Variants in KLRG1 observed in about 807,000 individuals in gnomAD.
KLRG1 encodes killer cell lectin-like receptor subfamily G member 1.
KLRG1 carries 16 observed loss-of-function variants against 21.8 expected under a neutral mutation model. That is an observed-to-expected ratio of 0.73 (90% CI 0.50 to 1.11). The LOEUF (loss-of-function observed/expected upper bound fraction) is 1.11. KLRG1 is among the 50% of genes most tolerant of loss of function. The pLI, the probability that KLRG1 is intolerant of heterozygous loss-of-function variation, is 0.00. For missense variants in KLRG1, 173 were observed against 218.3 expected (o/e 0.79, Z 1.31); for synonymous variants, 69 against 75.9 (o/e 0.91, Z 0.47).
At chr12:9,121,437 A>T in the KLRG1 span, among the ~76,000 whole-genome samples, 1 of 152,072 alleles carries the variant, frequency 6.6e-6, no homozygotes, top group South Asian at 2.1e-4. The surrounding 1 kb of genome is among the most constrained non-coding windows in gnomAD (Gnocchi z 4.4). Context: ...GCTGCACGGG[A>T]GACTGATGCA....
intron 1 of KLRG1, among the ~76,000 whole-genome samples, chr12:8,956,667 G>A (rs752724393): frequency 5.3e-5 from 8 of 152,088 alleles, no homozygotes; most frequent in Non-Finnish European, 7.4e-5. Context: ...GGCTGGTCTC[G>A]AACTCCTGAC....
At chr12:9,166,469 A>C in the KLRG1 span, among the ~76,000 whole-genome samples, 3 of 152,324 alleles carry the variant, frequency 2.0e-5, no homozygotes, top group African/African-American at 7.2e-5. Flanking sequence ...ACTTGGAGAC[A>C]GTTTTATGGG....
chr12:8,983,778 G>T (rs1324142875), intron 1 of KLRG1, among the ~76,000 whole-genome samples: 1 of 152,104 alleles, frequency 6.6e-6, no homozygotes, highest in African/African-American at 2.4e-5. Flanking sequence ...TATCATTCAT[G>T]TGTTGTTTCC....
the KLRG1 span, among the ~76,000 whole-genome samples, chr12:9,078,809 AT>A: frequency 6.6e-6 from 1 of 152,196 alleles, no homozygotes; most frequent in Non-Finnish European, 1.5e-5. Context: ...ATTTAAAAAA[AT>A]GTTTTATATT....
chr12:9,018,019 C>T, the KLRG1 span, among the ~76,000 whole-genome samples: 1 of 152,072 alleles, frequency 6.6e-6, no homozygotes, highest in East Asian at 1.9e-4. Context: ...TTTACAATAG[C>T]TACAAATAAA....
At chr12:8,993,845 T>C (rs1158819305) in intron 2 of KLRG1, among the ~76,000 whole-genome samples, 1 of 152,210 alleles carries the variant, frequency 6.6e-6, no homozygotes, top group Non-Finnish European at 1.5e-5. Context: ...TTCCCCACTT[T>C]GTAACTCCCA....
the KLRG1 span, chr12:9,157,913 A>G: frequency 6.5e-6 from 8 of 1,233,432 alleles, no homozygotes; most frequent in South Asian, 8.9e-5. Flanking sequence ...TGTTTGATGG[A>G]AACGCTCCTC....
the KLRG1 span, among the ~76,000 whole-genome samples, chr12:9,213,942 AG>A: frequency 1.3e-5 from 2 of 152,002 alleles, no homozygotes; most frequent in African/African-American, 4.8e-5. Context: ...GTCTCCTCCT[AG>A]GAGTTTTATT....
intron 1 of KLRG1, among the ~76,000 whole-genome samples, chr12:8,965,311 A>G (rs1946449987): frequency 6.6e-6 from 1 of 152,150 alleles, no homozygotes; most frequent in African/African-American, 2.4e-5. Flanking sequence ...ACTCCTATTC[A>G]ACATAGTGTT....
At chr12:9,139,023 G>A in the KLRG1 span, among the ~76,000 whole-genome samples, 1 of 151,742 alleles carries the variant, frequency 6.6e-6, no homozygotes, top group Non-Finnish European at 1.5e-5. Context: ...AATTTGGGTT[G>A]ATTATTTTAG....
the KLRG1 span, among the ~76,000 whole-genome samples, chr12:9,168,046 G>A: frequency 6.6e-6 from 1 of 152,082 alleles, no homozygotes; most frequent in African/African-American, 2.4e-5. Flanking sequence ...ATTTAAAGAT[G>A]GATATTAATC....
the KLRG1 span, among the ~76,000 whole-genome samples, chr12:9,026,663 A>G: frequency 2.0e-5 from 3 of 152,170 alleles, no homozygotes; most frequent in South Asian, 2.1e-4. Context: ...TATTCACTCT[A>G]TCAGGGTTTT....
At chr12:9,055,110 G>T in the KLRG1 span, among the ~76,000 whole-genome samples, 1 of 152,090 alleles carries the variant, frequency 6.6e-6, no homozygotes, top group Non-Finnish European at 1.5e-5. Context: ...CATACAAATG[G>T]TCAGTGGCAG....
the KLRG1 span, chr12:9,079,511 TTAAC>T: frequency 1.4e-5 from 15 of 1,076,462 alleles, no homozygotes; most frequent in African/African-American, 2.4e-4. Flanking sequence ...TTCCTTGAAA[TTAAC>T]TATCATAGCA....
At chr12:9,019,798 C>T in the KLRG1 span, among the ~76,000 whole-genome samples, 1 of 151,658 alleles carries the variant, frequency 6.6e-6, no homozygotes, top group African/African-American at 2.4e-5. Context: ...GTTGCCCAGG[C>T]TGGTCTGGAA....
At chr12:9,193,994 A>G in the KLRG1 span, 1 of 1,277,812 alleles carries the variant, frequency 7.8e-7, no homozygotes, top group Non-Finnish European at 1.1e-6. Context: ...CTTACTCTTA[A>G]ATGCAATCTG....
At chr12:8,969,204 C>T (rs1472335200) in intron 1 of KLRG1, among the ~76,000 whole-genome samples, 1 of 152,196 alleles carries the variant, frequency 6.6e-6, no homozygotes, top group Non-Finnish European at 1.5e-5. Flanking sequence ...GTCTGCTGTG[C>T]CTCCCTGCCC....
intron 1 of KLRG1, among the ~76,000 whole-genome samples, chr12:8,957,584 A>G (rs1252512749): frequency 1.3e-5 from 2 of 151,084 alleles, no homozygotes; most frequent in African/African-American, 4.9e-5. Context: ...TCACCTTTTT[A>G]TTTAAAGGAA....
the KLRG1 span, among the ~76,000 whole-genome samples, chr12:9,136,508 C>T: frequency 3.9e-5 from 6 of 151,946 alleles, no homozygotes; most frequent in Admixed American, 2.6e-4. Flanking sequence ...AGGCAATATT[C>T]CATTGTGCAT....
Sources: gnomAD v4.1 joint callset for allele counts (sites outside exome capture counted in the v4.1 genomes callset) on GRCh38, gnomAD v4.1.1 for gene constraint, Gnocchi (gnomAD v3.1) non-coding constraint, MANE v1.5 for transcripts, NCBI Gene and HGNC (gene_info 2026-07-23, HGNC 2026-07-21) for gene names.